Variants in VANGL1 observed in about 807,000 individuals in gnomAD.
VANGL1 encodes VANGL planar cell polarity protein 1.
Under a neutral mutation model 48.4 loss-of-function variants are expected in VANGL1, and 18 were observed. That is an observed-to-expected ratio of 0.37 (90% CI 0.26 to 0.55). The LOEUF is 0.55. Ranked by LOEUF, VANGL1 falls within the 20% of genes least tolerant of loss-of-function variation. The pLI is 0.81. For synonymous variants in VANGL1, 257 were observed against 261.8 expected, an observed-to-expected ratio of 0.98 and a Z score of 0.18; for missense variants, 667 against 675.8, an observed-to-expected ratio of 0.99 and a Z score of 0.14.
At chr1:115,673,861 A>T (rs1653071634) in intron 4 of VANGL1, among the ~76,000 whole-genome samples, 1 of 151,996 alleles carries the variant, frequency 6.6e-6, no homozygotes, top group Middle Eastern at 3.4e-3. Context: ...CGGCCTCCCA[A>T]AGTGCTGGGA....
rs771534557 is a variant in VANGL1, at chr1:115,664,075, C to T, written c.619C>T (p.Arg207Cys). 39 of 1,613,964 alleles carry T rather than the reference C, an allele frequency of 2.4e-5. No individual in the cohort carries two copies. Among genetic ancestry groups the T allele is most frequent in the African/African-American group, 4.0e-5 (3 of 74,876 alleles). Residue 207 changes from arginine to cysteine, a missense_variant, in exon 4 of 8, where the codon CGC (arginine) becomes TGC (cysteine). Coordinates refer to ENST00000355485, the MANE Select transcript of VANGL1 (RefSeq NM_138959.3). ...TTCCTATTGGCTTTTTTACGGGGTCCGCATTTTGGACTCTCGGGACCGGAA... is the reference window on the plus strand; with the variant it reads ...TTCCTATTGGCTTTTTTACGGGGTCTGCATTTTGGACTCTCGGGACCGGAA... ...VVSYWLFYGV[R>C]ILDSRDRNYQ...
chr1:115,695,062 G>A lies in VANGL1; in HGVS notation c.*3683G>A, dbSNP rs996078460. The A allele has an allele frequency of 1.3e-5, 2 of 152,174 alleles. No individual in the cohort carries two copies. The highest frequency in any genetic ancestry group is 1.5e-5 in the Non-Finnish European group (1 of 68,036). 9.4% of individuals were successfully genotyped at this position (152,174 alleles called of 1,614,324 possible). On this transcript the variant is annotated 3_prime_UTR_variant, in exon 8 of 8. Transcript: ENST00000355485. ...GAGTAAATGGCTTTAGCACAGCACT[G>A]TCTTCTGGGGAGCCTGCTGTCCTGC...
At chr1:115,671,510 A>C (rs572321512) in intron 4 of VANGL1, among the ~76,000 whole-genome samples, 3 of 152,212 alleles carry the variant, frequency 2.0e-5, no homozygotes, top group Non-Finnish European at 2.9e-5. Flanking sequence ...GAGGCAGTCC[A>C]GCATCCTGGG....
intron 3 of VANGL1, among the ~76,000 whole-genome samples, chr1:115,663,413 C>A (rs1652642217): frequency 1.3e-5 from 2 of 152,106 alleles, no homozygotes; most frequent in South Asian, 4.1e-4. Flanking sequence ...AATGAATCAG[C>A]CAAACAGACA....
intron 4 of VANGL1, among the ~76,000 whole-genome samples, chr1:115,664,689 T>G (rs1652705865): frequency 6.6e-6 from 1 of 152,192 alleles, no homozygotes; most frequent in Non-Finnish European, 1.5e-5. Flanking sequence ...AATTGTTCCT[T>G]TTTTCCCACT....
At chr1:115,661,539 G>A (rs1277837303) in intron 3 of VANGL1, among the ~76,000 whole-genome samples, 1 of 121,128 alleles carries the variant, frequency 8.3e-6, no homozygotes. Flanking sequence ...TATTTTTGCT[G>A]AGTAGTATTC....
At chr1:115,652,845 T>C (rs1056275351) in intron 2 of VANGL1, among the ~76,000 whole-genome samples, 4 of 152,174 alleles carry the variant, frequency 2.6e-5, no homozygotes, top group Non-Finnish European at 5.9e-5. Context: ...TGGTCATCCA[T>C]AGGGGGAGGC....
intron 4 of VANGL1, among the ~76,000 whole-genome samples, chr1:115,675,554 C>G (rs941376275): frequency 3.3e-5 from 5 of 152,084 alleles, no homozygotes; most frequent in South Asian, 2.1e-4. Context: ...AATCCCAGCA[C>G]TTTGGGAGGC....
intron 4 of VANGL1, 48 bp from the exon 5 acceptor site, chr1:115,682,316 C>T (rs763711158): frequency 6.2e-7 from 1 of 1,610,716 alleles, no homozygotes; most frequent in Non-Finnish European, 8.5e-7. Context: ...TTAGGACCTG[C>T]TTCTTCAGTG....
At chr1:115,647,477 C>G (rs1651982034) in intron 1 of VANGL1, among the ~76,000 whole-genome samples, 1 of 152,174 alleles carries the variant, frequency 6.6e-6, no homozygotes, top group African/African-American at 2.4e-5. Flanking sequence ...AAGTTCTTAC[C>G]TTGGCTCAGA....
chr1:115,665,778 C>T (rs1049939261), intron 4 of VANGL1, among the ~76,000 whole-genome samples: 1 of 152,234 alleles, frequency 6.6e-6, no homozygotes, highest in Non-Finnish European at 1.5e-5. Flanking sequence ...ATATTCATCT[C>T]AGAAGGCTTT....
intron 2 of VANGL1, among the ~76,000 whole-genome samples, chr1:115,656,069 C>T (rs753571141): frequency 9.2e-5 from 14 of 152,276 alleles, no homozygotes; most frequent in African/African-American, 3.4e-4. Flanking sequence ...GGTAGCATGA[C>T]CAGTACCTGG....
At chr1:115,646,688 A>G (rs1391784808) in intron 1 of VANGL1, among the ~76,000 whole-genome samples, 1 of 152,068 alleles carries the variant, frequency 6.6e-6, no homozygotes, top group Non-Finnish European at 1.5e-5. Flanking sequence ...GGTACCCATA[A>G]TGTCCTAGGA....
At chr1:115,673,315 G>A (rs910456842) in intron 4 of VANGL1, among the ~76,000 whole-genome samples, 6 of 152,150 alleles carry the variant, frequency 3.9e-5, no homozygotes, top group Admixed American at 6.5e-5. Flanking sequence ...CCCTAAGTTC[G>A]AGTAGTTTCC....
At chr1:115,646,511 T>G (rs3010381) in intron 1 of VANGL1, among the ~76,000 whole-genome samples, 24,999 of 144,746 alleles carry the variant, frequency 0.17, 2,658 homozygotes, top group African/African-American at 0.35. Context: ...TTTTTTTTTT[T>G]GATAGTTCTG....
At chr1:115,653,282 C>G (rs1044550129) in intron 2 of VANGL1, among the ~76,000 whole-genome samples, 1 of 152,160 alleles carries the variant, frequency 6.6e-6, no homozygotes, top group Non-Finnish European at 1.5e-5. Flanking sequence ...TGCTGCTGGA[C>G]GGGGCCTGTG....
At chr1:115,650,675 C>A (rs1652105258) in intron 1 of VANGL1, among the ~76,000 whole-genome samples, 2 of 151,690 alleles carry the variant, frequency 1.3e-5, no homozygotes, top group Non-Finnish European at 1.5e-5. Context: ...GGTGGATGAA[C>A]CATGTTTTCC....
At chr1:115,677,868 T>G (rs1049497447) in intron 4 of VANGL1, among the ~76,000 whole-genome samples, 1 of 152,218 alleles carries the variant, frequency 6.6e-6, no homozygotes, top group Non-Finnish European at 1.5e-5. Context: ...TCTAACCAAC[T>G]TGATTTTTCT....
rs1653485692 is a variant in VANGL1 at position 115,683,845 on chromosome 1, G to T, written c.947-99G>T. ...GATTTGTGTGTGTGTGTTCCATAGG[G>T]GGTGGGTAGACAACACTGACAGATT... On this transcript the variant is annotated intron_variant, in intron 5 of 7. Transcript: ENST00000355485. The T allele has an allele frequency of 4.7e-6, 7 of 1,476,582 alleles. No homozygotes were observed. In the South Asian group the frequency reaches 8.0e-5, roughly 17 times the overall value. 91.5% of individuals were successfully genotyped at this position (1,476,582 alleles called of 1,614,324 possible). A position where few individuals can be genotyped will look rare whatever the true frequency, so the allele number is the denominator to read the frequency against.
Sources: allele counts gnomAD v4.1 joint callset (sites outside exome capture counted in the v4.1 genomes callset), GRCh38; gene constraint gnomAD v4.1.1; transcripts MANE v1.5; gene names NCBI Gene and HGNC (gene_info 2026-07-23, HGNC 2026-07-21).